WWOX: variants seen among roughly 807,000 people sequenced by gnomAD.
The protein encoded by WWOX is WW domain-containing oxidoreductase.
In WWOX, 69 loss-of-function variants were observed where a neutral mutation model predicts 46.2. The observed-to-expected ratio is 1.49, with a 90% CI of 1.23 to 1.82. The LOEUF (loss-of-function observed/expected upper bound fraction) is 1.82. Ranked by LOEUF, WWOX falls within the 40% of genes most tolerant of loss-of-function variation. The pLI is 0.00. For missense variants in WWOX, 919 were observed against 542.6 expected (o/e 1.69, Z -6.89); for synonymous variants, 359 against 202.6 (o/e 1.77, Z -6.56).
chr16:78,661,497 T>G (rs2047211893), intron 8 of WWOX, among the ~76,000 whole-genome samples: 1 of 152,190 alleles, frequency 6.6e-6, no homozygotes, highest in Admixed American at 6.5e-5. Flanking sequence ...TGTCTGGATT[T>G]GATCATTCCT....
intron 6 of WWOX, among the ~76,000 whole-genome samples, chr16:78,390,941 G>GC (rs2082163046): frequency 6.6e-6 from 1 of 152,206 alleles, no homozygotes; most frequent in African/African-American, 2.4e-5. Flanking sequence ...ATGTGATCAA[G>GC]CCAGAGTATT....
At chr16:78,262,152 C>A (rs1301043279) in intron 5 of WWOX, among the ~76,000 whole-genome samples, 3 of 148,278 alleles carry the variant, frequency 2.0e-5, no homozygotes, top group African/African-American at 7.4e-5. Context: ...TCCTCCTATC[C>A]AGGGTGAATT....
chr16:78,868,116 CG>C (rs952354988), intron 8 of WWOX, among the ~76,000 whole-genome samples: 12 of 152,082 alleles, frequency 7.9e-5, no homozygotes, highest in Non-Finnish European at 1.8e-4. Flanking sequence ...AGCCAAACGC[CG>C]GAAATACCCA....
intron 8 of WWOX, among the ~76,000 whole-genome samples, chr16:78,888,727 C>T (rs1419036689): frequency 6.6e-6 from 1 of 152,160 alleles, no homozygotes. Flanking sequence ...ACAGACTAGA[C>T]AACGAAATAC....
chr16:79,115,698 T>C (rs1312925796), intron 8 of WWOX, among the ~76,000 whole-genome samples: 1 of 152,146 alleles, frequency 6.6e-6, no homozygotes, highest in African/African-American at 2.4e-5. Context: ...CCCGCACTGG[T>C]TGCACTTTTA....
intron 8 of WWOX, among the ~76,000 whole-genome samples, chr16:78,692,424 C>T (rs1012056640): frequency 1.3e-5 from 2 of 152,134 alleles, no homozygotes; most frequent in Admixed American, 6.5e-5. Context: ...TCCATCAATC[C>T]CTCCCATTTA....
chr16:78,884,279 A>AAC, intron 8 of WWOX, among the ~76,000 whole-genome samples: 1 of 147,772 alleles, frequency 6.8e-6, no homozygotes, highest in East Asian at 2.0e-4. Context: ...TCTCCAAAAA[A>AAC]AAAAAAAAAA....
intron 5 of WWOX, among the ~76,000 whole-genome samples, chr16:78,187,001 G>C (rs922021137): frequency 6.6e-6 from 1 of 152,110 alleles, no homozygotes. Context: ...TTTGTGTGCG[G>C]CTCTCTCTGT....
At position 78,133,104 on chromosome 16, in the gene WWOX, G is replaced by A. The variant is rs60885819; in HGVS notation, c.409+17950G>A. 1.6e-3 allele frequency among the ~76,000 whole-genome samples: 236 copies of A among 152,254 alleles called. 6 individuals are homozygous for A. The East Asian group carries it at 0.042, about 27-fold the overall frequency. ...TAAGATCTCACCATCAACCTTGAGG[G>A]AGTGACTTCTACATGCCGTGTATTA... On this transcript the variant is annotated intron_variant, in intron 4 of 8. Transcript: ENST00000566780.
At chr16:78,423,973 T>G (rs1395314471) in intron 6 of WWOX, among the ~76,000 whole-genome samples, 2 of 152,070 alleles carry the variant, frequency 1.3e-5, no homozygotes, top group African/African-American at 4.8e-5. Flanking sequence ...TCTGTATCCT[T>G]AAACAACATG....
rs74027911 is a variant in WWOX at position 78,181,088 on chromosome 16, T to C, written c.516+16799T>C. ...TTGTCCTGAAGCCTGTCGAGATAAA[T>C]GTATACTGAAAGAGAAAGACACAGA... On this transcript the variant is annotated intron_variant, in intron 5 of 8. Transcript: ENST00000566780. 3.8e-3 allele frequency among the ~76,000 whole-genome samples: 580 copies of C among 152,058 alleles called. 4 individuals carry two copies. Among genetic ancestry groups the C allele is most frequent in the African/African-American group, 0.013 (550 of 41,438 alleles).
chr16:78,869,204 G>A (rs2737286), intron 8 of WWOX, among the ~76,000 whole-genome samples: 112,538 of 151,992 alleles, frequency 0.74, 41,839 homozygotes, highest in Middle Eastern at 0.83. Context: ...TGTGGACTCT[G>A]TGGTGGGTGG....
chr16:79,029,467 T>C (rs2047711205), intron 8 of WWOX, among the ~76,000 whole-genome samples: 1 of 152,228 alleles, frequency 6.6e-6, no homozygotes. Context: ...TATTTAGCTA[T>C]TACTCATCTG....
intron 6 of WWOX, among the ~76,000 whole-genome samples, chr16:78,417,037 G>GT (rs1226914293): frequency 4.1e-5 from 6 of 144,942 alleles, no homozygotes; most frequent in South Asian, 4.3e-4. Context: ...GTGACCCTTT[G>GT]GGGGTGTGTG....
Position 78,825,844 on chromosome 16 carries a change from G to T in WWOX, c.1057-385764G>T, listed in dbSNP as rs925166824. The T allele has an allele frequency of 4.8e-6, 3 of 623,056 alleles. No homozygotes were observed. In the East Asian group the frequency reaches 8.7e-5, roughly 18 times the overall value. The allele number at this position is 623,056 out of a possible 1,614,324, so 38.6% of individuals were successfully genotyped here. A position where few individuals can be genotyped will look rare whatever the true frequency, so the allele number is the denominator to read the frequency against. ...TGGGCATCAAGGTGAAGGTCATGCT[G>T]CCCTGGGACCCCGCTGGTAAGACTG... On this transcript the variant is annotated intron_variant, in intron 8 of 8. Coordinates refer to ENST00000566780, the MANE Select transcript of WWOX (RefSeq NM_016373.4).
chr16:78,476,511 C>T lies in WWOX; in HGVS notation c.1056+43759C>T, dbSNP rs530282959. ...TAGGAGATATACCTAATGTAAATGACGAGTTAATGGGTGCAGCACACCAAC... is the reference window on the plus strand; with the variant it reads ...TAGGAGATATACCTAATGTAAATGATGAGTTAATGGGTGCAGCACACCAAC... On this transcript the variant is annotated intron_variant, in intron 8 of 8. Coordinates refer to ENST00000566780, the MANE Select transcript of WWOX (RefSeq NM_016373.4). Among the ~76,000 whole-genome samples the T allele has an allele frequency of 4.6e-5, 7 of 152,018 alleles. No homozygotes were observed. In the East Asian group the frequency reaches 5.8e-4, roughly 13 times the overall value.
chr16:79,141,360 C>G (rs549459870), intron 8 of WWOX, among the ~76,000 whole-genome samples: 30 of 152,188 alleles, frequency 2.0e-4, no homozygotes, highest in Non-Finnish European at 3.4e-4. Flanking sequence ...TGTGCTCTGA[C>G]CACTTTGGGC....
chr16:78,335,965 A>G (rs1345831447), intron 5 of WWOX, among the ~76,000 whole-genome samples: 2 of 151,930 alleles, frequency 1.3e-5, no homozygotes, highest in African/African-American at 4.8e-5. Flanking sequence ...AGTGGTGCAC[A>G]CCTGTAGTCC....
intron 8 of WWOX, among the ~76,000 whole-genome samples, chr16:78,507,594 C>G (rs765806265): frequency 5.3e-5 from 8 of 152,154 alleles, no homozygotes; most frequent in Non-Finnish European, 4.4e-5. Flanking sequence ...CATGCAACAT[C>G]AGTGTCACAC....
Sources: gnomAD v4.1 joint callset for allele counts (sites outside exome capture counted in the v4.1 genomes callset) on GRCh38, gnomAD v4.1.1 for gene constraint, MANE v1.5 for transcripts, NCBI Gene and HGNC (gene_info 2026-07-23, HGNC 2026-07-21) for gene names.